Variants in BRD8 observed in about 807,000 individuals in gnomAD.
The protein encoded by BRD8 is bromodomain-containing protein 8.
In BRD8, 67 loss-of-function variants were observed where a neutral mutation model predicts 143.1. The observed-to-expected ratio is 0.47, with a 90% CI of 0.38 to 0.57. The LOEUF (loss-of-function observed/expected upper bound fraction) is 0.57. BRD8 is among the 20% of genes least tolerant of loss of function. The pLI is 0.00. For missense variants in BRD8, 1,103 were observed against 1,503.0 expected (o/e 0.73, Z 4.40); for synonymous variants, 505 against 517.1 (o/e 0.98, Z 0.32).
Position 138,169,707 on chromosome 5 carries a change from G to A in BRD8, c.506-349C>T, listed in dbSNP as rs190318049. ...AGGAAGGCCAGGTGCAGTGGCTCACGGCTGTAATCCCAGCACTTTGGGAGG... is the reference window on the plus strand; with the variant it reads ...AGGAAGGCCAGGTGCAGTGGCTCACAGCTGTAATCCCAGCACTTTGGGAGG... On this transcript the variant is annotated intron_variant, in intron 7 of 26. Transcript: ENST00000254900. Among the ~76,000 whole-genome samples, 60 of 152,254 alleles carry A rather than the reference G, an allele frequency of 3.9e-4. No homozygotes were observed. In the East Asian group the frequency reaches 5.6e-3, roughly 14 times the overall value.
At chr5:138,160,425 A>G (rs1207797011) in intron 18 of BRD8, among the ~76,000 whole-genome samples, 12 of 152,236 alleles carry the variant, frequency 7.9e-5, no homozygotes, top group Admixed American at 7.2e-4. Context: ...GAGAAAAATA[A>G]TAAAACTAGA....
At chr5:138,173,575 T>C (rs977501330) in intron 2 of BRD8, among the ~76,000 whole-genome samples, 1 of 151,900 alleles carries the variant, frequency 6.6e-6, no homozygotes, top group Admixed American at 6.6e-5. Flanking sequence ...AAAACACACA[T>C]TGTTTTTGTT....
In BRD8 at chr5:138,151,107, G is replaced by T. The variant is rs1444843121; in HGVS notation, c.2857-99C>A. ...ATGCTAACACTGTCACAGTGACTAA[G>T]TCTGAGAGGACAAAATGGTTTAATT... is the stretch of plus-strand genomic sequence containing the variant. On this transcript the variant is annotated intron_variant, in intron 21 of 26. Coordinates refer to ENST00000254900, the MANE Select transcript of BRD8 (RefSeq NM_139199.2). 8 of 1,416,390 alleles carry T rather than the reference G, an allele frequency of 5.6e-6. No individual in the cohort carries two copies. The East Asian group carries it at 1.8e-4, about 32-fold the overall frequency. 87.7% of individuals were successfully genotyped at this position (1,416,390 alleles called of 1,614,324 possible).
chr5:138,175,126 C>T (rs1480154773), intron 2 of BRD8, among the ~76,000 whole-genome samples: 1 of 152,044 alleles, frequency 6.6e-6, no homozygotes, highest in African/African-American at 2.4e-5. Context: ...CCTTGTGATC[C>T]GCCCACCTCG....
At position 138,177,661 on chromosome 5, in the gene BRD8, T is replaced by C; in HGVS notation, c.26A>G (p.Lys9Arg). The C allele has an allele frequency of 3.8e-6, 6 of 1,570,248 alleles. No individual in the cohort carries two copies. Among genetic ancestry groups the C allele is most frequent in the Non-Finnish European group, 5.2e-6 (6 of 1,163,882 alleles). Residue 9 changes from lysine (K) to arginine (R), a missense_variant, in exon 2 of 27, where the codon AAG becomes AGG. By Grantham distance (26) the Lys-to-Arg change is conservative. Transcript: ENST00000254900. Reference sequence around the variant, plus strand: ...CTCTGTGGGGCCAGTGCTTAGCAGCTTGTGTTCTGGGAAAGGGAGAAAAAA... The same window carrying C: ...CTCTGTGGGGCCAGTGCTTAGCAGCCTGTGTTCTGGGAAAGGGAGAAAAAA... MATGTGKH[K>R]LLSTGPTEPW...
chr5:138,176,209 T>C (rs762046712), intron 2 of BRD8, among the ~76,000 whole-genome samples: 4 of 152,014 alleles, frequency 2.6e-5, no homozygotes, highest in South Asian at 2.1e-4. Flanking sequence ...AAAAGTGTTA[T>C]GTCAAGTGAT....
Position 138,159,605 on chromosome 5 carries a change from A to G in BRD8, c.2533-6T>C. The G allele has an allele frequency of 6.2e-7, 1 of 1,614,004 alleles. No homozygotes were observed. The highest frequency in any genetic ancestry group is 8.5e-7 in the Non-Finnish European group (1 of 1,179,868). On this transcript the variant is annotated splice_region_variant and splice_polypyrimidine_tract_variant and intron_variant, in intron 19 of 26. Transcript: ENST00000254900. ...GAGCCCATTGGGACACTGTCCTGTT[A>G]GAGGACAAACAAACACTGATCAGGT...
chr5:138,148,209 C>A (rs998695860), intron 23 of BRD8, among the ~76,000 whole-genome samples: 1 of 146,928 alleles, frequency 6.8e-6, no homozygotes, highest in Non-Finnish European at 1.5e-5. Context: ...AGGGTCAGTG[C>A]ATAAATCTCA....
chr5:138,154,481 A>G (rs976235931), intron 20 of BRD8, among the ~76,000 whole-genome samples: 2 of 152,088 alleles, frequency 1.3e-5, no homozygotes, highest in African/African-American at 4.8e-5. Context: ...TTTGTATCTC[A>G]TGCCTGTTTG....
In BRD8 at chr5:138,165,726, C is replaced by CAAAAAAAAAAAA. The variant is rs374362323; in HGVS notation, c.1278+90_1278+101dup. 5.6e-5 allele frequency: 53 copies of CAAAAAAAAAAAA among 946,436 alleles called. No homozygotes were observed. In the African/African-American group the frequency reaches 1.3e-3, roughly 23 times the overall value. The allele number at this position is 946,436 out of a possible 1,614,324, so 58.6% of individuals were successfully genotyped here. ...GGATGAAAGAGCAAGACTCTGTCTCCAAAAAAAAAAAAAAAAAAGCAGCAG... is the reference window on the plus strand; with the variant it reads ...GGATGAAAGAGCAAGACTCTGTCTCCAAAAAAAAAAAAAAAAAAAAAAAAAAAAAAGCAGCAG... On this transcript the variant is annotated intron_variant, in intron 11 of 26. Coordinates refer to ENST00000254900, the MANE Select transcript of BRD8 (RefSeq NM_139199.2).
intron 21 of BRD8, 134 bp from the exon 22 acceptor site, chr5:138,151,142 A>G (rs1435228868): frequency 2.5e-6 from 3 of 1,212,940 alleles, no homozygotes; most frequent in Non-Finnish European, 3.4e-6. Context: ...TAATACAATC[A>G]TCTAAAATCT....
chr5:138,152,785 A>G (rs754120454), intron 20 of BRD8, 25 bp from the exon 21 acceptor site: 6 of 1,592,312 alleles, frequency 3.8e-6, no homozygotes, highest in Admixed American at 1.7e-5. Flanking sequence ...GAAAACATGC[A>G]TTAAATTCAT....
At position 138,169,206 on chromosome 5, in the gene BRD8, A is replaced by T. The variant is rs1298901726; in HGVS notation, c.642+16T>A. On this transcript the variant is annotated intron_variant, in intron 8 of 26. Coordinates refer to ENST00000254900, the MANE Select transcript of BRD8 (RefSeq NM_139199.2). Reference sequence around the variant, plus strand: ...CCCCTTCACTGATCAATTCCCACAGATGGAAATATACTCACCCCAGAGGTA... The same window carrying T: ...CCCCTTCACTGATCAATTCCCACAGTTGGAAATATACTCACCCCAGAGGTA... 1 of 1,611,054 alleles carries T rather than the reference A, an allele frequency of 6.2e-7. No homozygotes were observed. The highest frequency in any genetic ancestry group is 8.5e-7 in the Non-Finnish European group (1 of 1,179,256).
At chr5:138,149,160 T>A (rs1489452765) in intron 23 of BRD8, among the ~76,000 whole-genome samples, 1 of 151,964 alleles carries the variant, frequency 6.6e-6, no homozygotes, top group Non-Finnish European at 1.5e-5. Context: ...CAGACTTGGC[T>A]AGAGTACAGT....
chr5:138,161,931 AG>A (rs1753030299), intron 16 of BRD8, 67 bp from the exon 17 acceptor site: 12 of 1,586,404 alleles, frequency 7.6e-6, no homozygotes, highest in Non-Finnish European at 1.0e-5. Flanking sequence ...ACTTACTCTA[AG>A]TAACTAAAGG....
intron 21 of BRD8, 116 bp from the exon 22 acceptor site, chr5:138,151,124 G>C: frequency 7.5e-7 from 1 of 1,324,638 alleles, no homozygotes; most frequent in Non-Finnish European, 1.0e-6. Context: ...AGGACAAAAT[G>C]GTTTAATTAA....
At chr5:138,166,264 T>G (rs949758362) in intron 10 of BRD8, 156 bp from the exon 11 acceptor site, 1 of 653,408 alleles carries the variant, frequency 1.5e-6, no homozygotes, top group Non-Finnish European at 2.6e-6. Flanking sequence ...CTCCCCAGTT[T>G]TATCTAGAAA....
chr5:138,166,343 C>T, intron 10 of BRD8, 175 bp downstream of exon 10: 1 of 618,956 alleles, frequency 1.6e-6, no homozygotes, highest in South Asian at 2.0e-5. Flanking sequence ...CATAAATGCC[C>T]ACCCACCTCT....
At chr5:138,153,717 C>T (rs566768369) in intron 20 of BRD8, among the ~76,000 whole-genome samples, 25 of 142,858 alleles carry the variant, frequency 1.7e-4, no homozygotes, top group African/African-American at 6.6e-4. Flanking sequence ...ACTCTTGTTG[C>T]CCAGGCTGGA....
Sources: gnomAD v4.1 joint callset for allele counts (sites outside exome capture counted in the v4.1 genomes callset) on GRCh38, gnomAD v4.1.1 for gene constraint, MANE v1.5 for transcripts, NCBI Gene and HGNC (gene_info 2026-07-23, HGNC 2026-07-21) for gene names.